The following FOXP2 variants were observed in gnomAD, a reference collection of about 807,000 sequenced individuals.
FOXP2 encodes forkhead box protein P2.
A neutral mutation model predicts 115.8 loss-of-function variants in FOXP2; 12 were observed. The observed-to-expected ratio is 0.10, with a 90% CI of 0.07 to 0.17. The LOEUF (loss-of-function observed/expected upper bound fraction) is 0.17, where lower values mean the gene tolerates loss of function less well. Among genes scored for constraint, FOXP2 ranks in the 10% least tolerant of loss-of-function variants. The probability of loss-of-function intolerance (pLI) is 1.00; values close to 1 mark genes in which losing one functional copy is unlikely to be tolerated. For missense variants in FOXP2, 629 were observed against 843.5 expected (o/e 0.75, Z 3.15); for synonymous variants, 328 against 297.7 (o/e 1.10, Z -1.05).
intron 2 of FOXP2, among the ~76,000 whole-genome samples, chr7:114,458,119 G>A (rs1231918678): frequency 6.6e-6 from 1 of 152,056 alleles, no homozygotes; most frequent in Non-Finnish European, 1.5e-5. Context: ...CTTTATTTAA[G>A]TGGCAAAACA....
At chr7:114,481,952 C>T (rs974898324) in intron 2 of FOXP2, among the ~76,000 whole-genome samples, 2 of 151,174 alleles carry the variant, frequency 1.3e-5, no homozygotes, top group African/African-American at 4.8e-5. Flanking sequence ...TCCAGACCTG[C>T]TTTAAAAAGA....
At chr7:114,152,234 G>T (rs1792547172) in intron 1 of FOXP2, among the ~76,000 whole-genome samples, 1 of 152,036 alleles carries the variant, frequency 6.6e-6, no homozygotes, top group African/African-American at 2.4e-5. Flanking sequence ...ATTATCTATT[G>T]AATACATAAT....
chr7:114,090,774 T>C (rs1799525695), intron 1 of FOXP2, among the ~76,000 whole-genome samples: 1 of 151,810 alleles, frequency 6.6e-6, no homozygotes, highest in Non-Finnish European at 1.5e-5. Flanking sequence ...CTATCAATTC[T>C]ATAGTCTTTA....
chr7:114,631,470 A>T, intron 5 of FOXP2, 58 bp from the exon 6 acceptor site: 1 of 1,549,912 alleles, frequency 6.5e-7, no homozygotes, highest in South Asian at 1.2e-5. Flanking sequence ...CCTGTAAGAG[A>T]GCTGTTTGTA....
chr7:114,230,315 A>AT (rs201241454), intron 1 of FOXP2, among the ~76,000 whole-genome samples: 3 of 151,862 alleles, frequency 2.0e-5, no homozygotes, highest in Non-Finnish European at 4.4e-5. Flanking sequence ...ATTAACACTG[A>AT]TTTTTTTCAT....
intron 1 of FOXP2, among the ~76,000 whole-genome samples, chr7:114,237,725 G>A (rs1284370328): frequency 6.6e-6 from 1 of 151,680 alleles, no homozygotes; most frequent in Non-Finnish European, 1.5e-5. Context: ...TCTAATCTCA[G>A]CACTTTGGGA....
chr7:114,677,851 A>T (rs919163314), intron 16 of FOXP2, among the ~76,000 whole-genome samples: 1 of 152,228 alleles, frequency 6.6e-6, no homozygotes, highest in African/African-American at 2.4e-5. Context: ...AATGACCCAT[A>T]GATGAGTTTC....
intron 3 of FOXP2, among the ~76,000 whole-genome samples, chr7:114,546,941 C>T (rs996534524): frequency 1.3e-5 from 2 of 152,300 alleles, no homozygotes; most frequent in Non-Finnish European, 2.9e-5. Context: ...ATTTTGTAAA[C>T]TGTATTGCTC....
rs1386422684 is a variant in FOXP2 at position 114,692,137 on chromosome 7, G to A, written c.*2211G>A. 2.2e-6 allele frequency: 1 copy of A among 453,808 alleles called. No homozygotes were observed. The allele number at this position is 453,808 out of a possible 1,614,324, so 28.1% of individuals were successfully genotyped here. ...TCAGTCATCTAGGATCCTACTGTAAGGATTATCTGAAAGGAAAAATGGGTC... is the reference window on the plus strand; with the variant it reads ...TCAGTCATCTAGGATCCTACTGTAAAGATTATCTGAAAGGAAAAATGGGTC... On this transcript the variant is annotated 3_prime_UTR_variant, in exon 17 of 17. Transcript: ENST00000350908.
intron 2 of FOXP2, among the ~76,000 whole-genome samples, chr7:114,289,019 G>A (rs2129176139): frequency 6.6e-6 from 1 of 151,808 alleles, no homozygotes; most frequent in Admixed American, 6.6e-5. Flanking sequence ...AATTTCTCTA[G>A]CAATTTCTAC....
chr7:114,525,193 T>G (rs1798801489), intron 2 of FOXP2, among the ~76,000 whole-genome samples: 1 of 152,174 alleles, frequency 6.6e-6, no homozygotes, highest in Non-Finnish European at 1.5e-5. Context: ...TTCAAATGAC[T>G]AGTATTATAT....
chr7:114,149,776 A>G (rs1792481833), intron 1 of FOXP2, among the ~76,000 whole-genome samples: 1 of 152,100 alleles, frequency 6.6e-6, no homozygotes, highest in Non-Finnish European at 1.5e-5. Context: ...TAGCAGTGTC[A>G]TGGATAAAAT....
chr7:114,541,064 C>A (rs1373785159), intron 3 of FOXP2, among the ~76,000 whole-genome samples: 2 of 151,902 alleles, frequency 1.3e-5, no homozygotes, highest in African/African-American at 4.8e-5. Context: ...TTCTGAGAAA[C>A]CTGGAATAAG....
At chr7:114,588,248 C>T (rs982078629) in intron 3 of FOXP2, among the ~76,000 whole-genome samples, 13 of 151,580 alleles carry the variant, frequency 8.6e-5, no homozygotes, top group Admixed American at 2.6e-4. Context: ...CGGAGGTTGC[C>T]GTGAGCCAAG....
intron 2 of FOXP2, among the ~76,000 whole-genome samples, chr7:114,462,006 C>G (rs767092124): frequency 6.6e-6 from 1 of 152,070 alleles, no homozygotes; most frequent in Admixed American, 6.6e-5. Flanking sequence ...CACCGCCGGG[C>G]GCAGTGGCTG....
At chr7:114,657,548 A>G (rs1298666208) in intron 10 of FOXP2, among the ~76,000 whole-genome samples, 1 of 152,192 alleles carries the variant, frequency 6.6e-6, no homozygotes, top group African/African-American at 2.4e-5. Flanking sequence ...TGTCATTACC[A>G]TTCCACCAAA....
intron 2 of FOXP2, among the ~76,000 whole-genome samples, chr7:114,355,430 G>A (rs1294720714): frequency 6.6e-6 from 1 of 152,080 alleles, no homozygotes; most frequent in African/African-American, 2.4e-5. Flanking sequence ...GTTTACTTTT[G>A]TTCTAGAGAA....
intron 1 of FOXP2, among the ~76,000 whole-genome samples, chr7:114,251,755 C>A (rs1210650448): frequency 1.3e-5 from 2 of 152,170 alleles, no homozygotes; most frequent in African/African-American, 4.8e-5. Context: ...TTTGACTTCT[C>A]TCTTTTCCTA....
At chr7:114,398,611 T>A (rs940298489) in intron 2 of FOXP2, among the ~76,000 whole-genome samples, 1 of 152,246 alleles carries the variant, frequency 6.6e-6, no homozygotes, top group Non-Finnish European at 1.5e-5. Flanking sequence ...ATACGATTGC[T>A]TTATTAGGAA....
Sources: gnomAD v4.1 joint callset for allele counts (sites outside exome capture counted in the v4.1 genomes callset) on GRCh38, gnomAD v4.1.1 for gene constraint, MANE v1.5 for transcripts, NCBI Gene and HGNC (gene_info 2026-07-23, HGNC 2026-07-21) for gene names.